ZNG1F: variants seen among roughly 807,000 people sequenced by gnomAD.
ZNG1F encodes the protein Zn regulated GTPase metalloprotein activator 1F.
At chr9:41,199,805 T>G in the ZNG1F span, among the ~76,000 whole-genome samples, 3 of 152,014 alleles carry the variant, frequency 2.0e-5, no homozygotes, top group East Asian at 5.8e-4. Flanking sequence ...TCTTGACTTC[T>G]GTGCACCCGC....
At chr9:41,134,964 C>T in the ZNG1F span, among the ~76,000 whole-genome samples, 2 of 142,300 alleles carry the variant, frequency 1.4e-5, no homozygotes, top group Non-Finnish European at 1.5e-5. Context: ...ACACTGCACC[C>T]AATTTCTGTC....
the ZNG1F span, among the ~76,000 whole-genome samples, chr9:41,150,245 G>T: frequency 1.3e-5 from 2 of 148,508 alleles, no homozygotes; most frequent in African/African-American, 5.0e-5. Context: ...ACTCCCACCC[G>T]AATACTGCGC....
chr9:41,164,898 G>T, the ZNG1F span: 51 of 952,934 alleles, frequency 5.4e-5, 4 homozygotes, highest in Middle Eastern at 9.8e-4. Flanking sequence ...CTTGAAGCAG[G>T]TCAACCTTAT....
chr9:41,152,398 T>C, the ZNG1F span, among the ~76,000 whole-genome samples: 2 of 149,130 alleles, frequency 1.3e-5, 1 homozygote, highest in Non-Finnish European at 3.0e-5. Flanking sequence ...TACACAATAA[T>C]AATGGGAGAC....
the ZNG1F span, among the ~76,000 whole-genome samples, chr9:41,166,193 C>T: frequency 8.8e-6 from 1 of 114,270 alleles, no homozygotes; most frequent in Non-Finnish European, 1.8e-5. Context: ...AGGTCAGGAG[C>T]TCGAGACCAG....
chr9:41,141,218 G>A, the ZNG1F span, among the ~76,000 whole-genome samples: 1 of 151,650 alleles, frequency 6.6e-6, no homozygotes, highest in Non-Finnish European at 1.5e-5. Context: ...GAAAAACCCT[G>A]AAAAAATCTG....
At chr9:41,145,604 A>G in the ZNG1F span, 1 of 197,310 alleles carries the variant, frequency 5.1e-6, no homozygotes, top group Non-Finnish European at 9.6e-6. Flanking sequence ...ACTATTTTGT[A>G]TGGTTAAATA....
the ZNG1F span, among the ~76,000 whole-genome samples, chr9:41,203,073 A>G: frequency 1.3e-5 from 2 of 152,248 alleles, no homozygotes; most frequent in African/African-American, 4.8e-5. Flanking sequence ...TTCAGGTTAT[A>G]TATTTTTGGC....
the ZNG1F span, among the ~76,000 whole-genome samples, chr9:41,175,272 C>G: frequency 1.4e-5 from 2 of 144,124 alleles, no homozygotes; most frequent in African/African-American, 5.3e-5. Flanking sequence ...GCCACAAGAT[C>G]TAATGGTTTC....
At chr9:41,175,124 A>C in the ZNG1F span, among the ~76,000 whole-genome samples, 2 of 148,090 alleles carry the variant, frequency 1.4e-5, no homozygotes, top group Non-Finnish European at 3.0e-5. Context: ...GAGAAAAACA[A>C]GGATAATCAA....
At chr9:41,199,756 C>A in the ZNG1F span, among the ~76,000 whole-genome samples, 1 of 152,102 alleles carries the variant, frequency 6.6e-6, no homozygotes, top group African/African-American at 2.4e-5. Flanking sequence ...CAAACTTCTA[C>A]ATCTTCTGAT....
the ZNG1F span, chr9:41,164,967 G>A: frequency 6.4e-7 from 1 of 1,571,180 alleles, no homozygotes. Flanking sequence ...ATACAATATG[G>A]ATCTGTAGGC....
At chr9:41,138,551 TC>T in the ZNG1F span, among the ~76,000 whole-genome samples, 1 of 21,392 alleles carries the variant, frequency 4.7e-5, no homozygotes, top group Admixed American at 5.0e-4. Flanking sequence ...CCTCAATTAT[TC>T]CCCCAAATAT....
the ZNG1F span, chr9:41,158,614 T>C: frequency 1.6e-5 from 1 of 62,248 alleles, no homozygotes; most frequent in Admixed American, 2.2e-4. Flanking sequence ...ATATTAGACC[T>C]GTATAACAAA....
At chr9:41,155,117 C>T in the ZNG1F span, among the ~76,000 whole-genome samples, 4 of 150,728 alleles carry the variant, frequency 2.7e-5, no homozygotes, top group Non-Finnish European at 5.9e-5. Context: ...TGACAAAGGG[C>T]TAATATCCAG....
the ZNG1F span, among the ~76,000 whole-genome samples, chr9:41,171,433 T>TG: frequency 3.0e-4 from 19 of 63,850 alleles, no homozygotes; most frequent in African/African-American, 1.1e-3. Flanking sequence ...AGCAAAGATT[T>TG]GGGAAAAAAA....
the ZNG1F span, chr9:41,165,010 G>A: frequency 1.2e-3 from 1,858 of 1,587,596 alleles, 95 homozygotes; most frequent in Non-Finnish European, 1.4e-3. Flanking sequence ...CCTAAGTGTC[G>A]TTCTTAATTT....
At chr9:41,159,104 C>T in the ZNG1F span, among the ~76,000 whole-genome samples, 4 of 150,016 alleles carry the variant, frequency 2.7e-5, no homozygotes, top group East Asian at 2.0e-4. Context: ...AAAGTGAAAA[C>T]GAAGAGGGTT....
At chr9:41,144,356 A>G in the ZNG1F span, among the ~76,000 whole-genome samples, 1 of 72,306 alleles carries the variant, frequency 1.4e-5, no homozygotes, top group Non-Finnish European at 3.1e-5. Flanking sequence ...GTTCAACTAT[A>G]TGACAGATAC....
Sources: allele counts gnomAD v4.1 joint callset (sites outside exome capture counted in the v4.1 genomes callset), GRCh38; gene constraint gnomAD v4.1.1; transcripts MANE v1.5; gene names NCBI Gene and HGNC (gene_info 2026-07-23, HGNC 2026-07-21).